ZNF629: variants seen among roughly 807,000 people sequenced by gnomAD.
ZNF629 encodes zinc finger protein 629.
A neutral mutation model predicts 59.7 loss-of-function variants in ZNF629; 9 were observed. The observed-to-expected ratio is 0.15, with a 90% CI of 0.09 to 0.26. The LOEUF (loss-of-function observed/expected upper bound fraction) is 0.26, where lower values mean the gene tolerates loss of function less well. ZNF629 is among the 10% of genes least tolerant of loss of function. The pLI is 1.00. For synonymous variants in ZNF629, 509 were observed against 498.9 expected (o/e 1.02, Z -0.27); for missense variants, 853 against 1,165.4 (o/e 0.73, Z 3.90).
Position 30,781,524 on chromosome 16 carries a change from A to T in ZNF629, c.*194T>A, listed in dbSNP as rs2054280673. ...CAACAGTTTTTCTCTACTGCCTTAT[A>T]AGTGCTTCCCACCAACAATTTTATA... On this transcript the variant is annotated 3_prime_UTR_variant, in exon 3 of 3. Transcript: ENST00000262525. 2.1e-6 allele frequency: 1 copy of T among 468,792 alleles called. No individual in the cohort carries two copies. Among genetic ancestry groups the T allele is most frequent in the Non-Finnish European group, 3.6e-6 (1 of 277,112 alleles). 29.0% of individuals were successfully genotyped at this position (468,792 alleles called of 1,614,324 possible).
chr16:30,781,381 CAT>C lies in ZNF629; in HGVS notation c.*335_*336del, dbSNP rs2151341524. ...ACAATTTTATAGGGTTGTTCAGAGA[CAT>C]ATTGGGACCTCTTCCTACAATTAAT... On this transcript the variant is annotated 3_prime_UTR_variant, in exon 3 of 3. Transcript: ENST00000262525. The C allele has an allele frequency of 5.2e-6, 1 of 190,892 alleles. No individual in the cohort carries two copies. Among genetic ancestry groups the C allele is most frequent in the South Asian group, 1.8e-4 (1 of 5,630 alleles). The allele number at this position is 190,892 out of a possible 1,614,324, so 11.8% of individuals were successfully genotyped here. A position where few individuals can be genotyped will look rare whatever the true frequency, so the allele number is the denominator to read the frequency against.
At chr16:30,785,062 T>C (rs1296264353) in intron 1 of ZNF629, among the ~76,000 whole-genome samples, 3 of 151,980 alleles carry the variant, frequency 2.0e-5, no homozygotes, top group African/African-American at 7.3e-5. Context: ...ACTGGGGCAC[T>C]TCCCTGTTAT....
rs561857880 is a variant in ZNF629 at position 30,779,881 on chromosome 16, T to A, written c.*1837A>T. 2.0e-5 allele frequency: 3 copies of A among 152,372 alleles called. No homozygotes were observed. The highest frequency in any genetic ancestry group is 6.5e-5 in the Admixed American group (1 of 15,298). 9.4% of individuals were successfully genotyped at this position (152,372 alleles called of 1,614,324 possible). On this transcript the variant is annotated 3_prime_UTR_variant, in exon 3 of 3. Coordinates refer to ENST00000262525, the MANE Select transcript of ZNF629 (RefSeq NM_001080417.3). ...CTGGGGTTGGCAAGCACTTCCTTTC[T>A]GACCCAGCGCTGAGCAGAGTCCTCT...
chr16:30,786,509 G>A lies in ZNF629; in HGVS notation c.-34+519C>T, dbSNP rs1393855496. ...CAGGCACGCCAGCCTGAGACCTCGC[G>A]ATGGCCCCACTGCAGAGGGAGGGAA... On this transcript the variant is annotated intron_variant, in intron 1 of 2. Transcript: ENST00000262525. This position sits in a 1 kb window ranked among gnomAD's most constrained non-coding sequence, Gnocchi z 4.8. Among the ~76,000 whole-genome samples, 3 of 152,206 alleles carry A rather than the reference G, an allele frequency of 2.0e-5. No homozygotes were observed. The highest frequency in any genetic ancestry group is 4.1e-4 in the South Asian group (2 of 4,832).
chr16:30,783,359 G>A lies in ZNF629; in HGVS notation c.969C>T (p.Cys323=), dbSNP rs763735594. The change falls in exon 3 of 3, where the codon TGC becomes TGT. Residue 323 remains cysteine (C), a synonymous_variant. Transcript: ENST00000262525. ...AGEKPYRCTE[C]GKSFIQSSEL... is the part of the protein sequence containing the mutation. ...CCGAGCTCTGGATGAAGCTCTTCCC[G>A]CACTCGGTGCAGCGGTATGGCTTCT... 1.1e-4 allele frequency: 173 copies of A among 1,613,780 alleles called. No individual in the cohort carries two copies. Among genetic ancestry groups the A allele is most frequent in the Admixed American group, 1.7e-5 (1 of 59,988 alleles).
At position 30,783,731 on chromosome 16, in the gene ZNF629, C is replaced by G; in HGVS notation, c.597G>C (p.Thr199=). Residue 199 remains threonine, a synonymous_variant, in exon 3 of 3, where the codon ACG becomes ACC. Coordinates refer to ENST00000262525, the MANE Select transcript of ZNF629 (RefSeq NM_001080417.3). ...QSSHLVQHQR[T]HTGEKPYKCP... is the part of the protein sequence containing the mutation. The stretch of plus-strand genomic sequence containing the variant: ...ACTTGTAGGGCTTCTCGCCGGTGTG[C>G]GTGCGCTGGTGCTGCACCAGGTGCG... 1 of 1,613,434 alleles carries G rather than the reference C, an allele frequency of 6.2e-7. No homozygotes were observed. Among genetic ancestry groups the G allele is most frequent in the Non-Finnish European group, 8.5e-7 (1 of 1,179,752 alleles).
chr16:30,784,284 C>T, intron 2 of ZNF629, 30 bp from the exon 3 acceptor site: 1 of 1,575,398 alleles, frequency 6.3e-7, no homozygotes, highest in East Asian at 2.3e-5. Context: ...CTACAGCCCC[C>T]AGCCCCTTTC....
intron 2 of ZNF629, 68 bp downstream of exon 2, chr16:30,784,342 G>A (rs2054312471): frequency 6.5e-7 from 1 of 1,545,636 alleles, no homozygotes; most frequent in Non-Finnish European, 8.7e-7. Flanking sequence ...GTCCCCCAGA[G>A]TCCAGGCCCC....
rs778287262 is a variant in ZNF629, at chr16:30,782,063, G to C, written c.2265C>G (p.Leu755=). 6.4e-7 allele frequency: 1 copy of C among 1,573,884 alleles called. No homozygotes were observed. Among genetic ancestry groups the C allele is most frequent in the Admixed American group, 1.9e-5 (1 of 53,828 alleles). ...CCAGGGGGCTCCTGAGATGCTCCAG[G>C]AGGACGGAAGAGCTCTTCCCCAGCT... ...SPELGKSSSV[L]LEHLRSPLGA... The change falls in exon 3 of 3, where the codon CTC becomes CTG. Residue 755 remains leucine (L), a synonymous_variant. Transcript: ENST00000262525.
In ZNF629 at chr16:30,783,087, C is replaced by T; in HGVS notation, c.1241G>A (p.Ser414Asn). Residue 414 changes from serine to asparagine, a missense_variant, in exon 3 of 3, where the codon AGC becomes AAC. Around this residue, in one of 3 missense-constraint regions of ZNF629, gnomAD observed 201 missense variants for 536.5 expected, o/e 0.37. Coordinates refer to ENST00000262525, the MANE Select transcript of ZNF629 (RefSeq NM_001080417.3). ...GCGCTGGTGGTTGATGAGGTTGGAG[C>T]TGACGCTGAAGCTCTTGCCGCACTC... ...CPECGKSFSV[S>N]SNLINHQRIH... 6.2e-7 allele frequency: 1 copy of T among 1,614,106 alleles called. No homozygotes were observed. The highest frequency in any genetic ancestry group is 8.5e-7 in the Non-Finnish European group (1 of 1,180,018).
chr16:30,786,063 A>G lies in ZNF629; in HGVS notation c.-34+965T>C, dbSNP rs2054329318. On this transcript the variant is annotated intron_variant, in intron 1 of 2. Transcript: ENST00000262525. The surrounding 1 kb of genome is among the most constrained non-coding windows in gnomAD (Gnocchi z 4.8). ...TGTGTGAGGTGGGCGCTGTGTGCAC[A>G]GGGGCAGTGGGGCAAGGGAGACATG... Among the ~76,000 whole-genome samples, 2 of 152,000 alleles carry G rather than the reference A, an allele frequency of 1.3e-5. No homozygotes were observed.
At position 30,782,410 on chromosome 16, in the gene ZNF629, G is replaced by A. The variant is rs1173379205; in HGVS notation, c.1918C>T (p.Pro640Ser). The A allele has an allele frequency of 1.9e-6, 3 of 1,567,906 alleles. No homozygotes were observed. Among genetic ancestry groups the A allele is most frequent in the African/African-American group, 2.7e-5 (2 of 73,738 alleles). ...AEGRAEAPGQ[P>S]LKPPEGQEGF... ...TCCTGACCCTCCGGCGGCTTAAGGG[G>A]CTGTCCGGGGGCCTCCGCTCTGCCC... The change falls in exon 3 of 3, where the codon CCC becomes TCC. Residue 640 changes from proline (P) to serine (S), a missense_variant. Physicochemically the swap from Pro to Ser is moderately conservative, Grantham distance 74 (BLOSUM62 -1). Around this residue, in one of 3 missense-constraint regions of ZNF629, gnomAD observed 420 missense variants for 435.6 expected, o/e 0.96. Coordinates refer to ENST00000262525, the MANE Select transcript of ZNF629 (RefSeq NM_001080417.3).
Position 30,780,357 on chromosome 16 carries a change from A to C in ZNF629, c.*1361T>G, listed in dbSNP as rs2054269618. On this transcript the variant is annotated 3_prime_UTR_variant, in exon 3 of 3. Coordinates refer to ENST00000262525, the MANE Select transcript of ZNF629 (RefSeq NM_001080417.3). ...CCTTATCCTGCGGGGCAGCCTTGCT[A>C]CCAACAAAGATGAATAGCTGAAGTT... is the stretch of plus-strand genomic sequence containing the variant. 6.6e-6 allele frequency: 1 copy of C among 152,560 alleles called. No homozygotes were observed. The highest frequency in any genetic ancestry group is 1.5e-5 in the Non-Finnish European group (1 of 68,036). 9.5% of individuals were successfully genotyped at this position (152,560 alleles called of 1,614,324 possible).
At position 30,782,417 on chromosome 16, in the gene ZNF629, G is replaced by T. The variant is rs768471429; in HGVS notation, c.1911C>A (p.Pro637=). 1.3e-6 allele frequency: 2 copies of T among 1,566,512 alleles called. No homozygotes were observed. Among genetic ancestry groups the T allele is most frequent in the Non-Finnish European group, 1.7e-6 (2 of 1,155,330 alleles). ...PGAAEGRAEA[P]GQPLKPPEGQ... is the part of the protein sequence containing the mutation. ...CCTCCGGCGGCTTAAGGGGCTGTCCGGGGGCCTCCGCTCTGCCCTCCGCAG... is the reference window on the plus strand; with the variant it reads ...CCTCCGGCGGCTTAAGGGGCTGTCCTGGGGCCTCCGCTCTGCCCTCCGCAG... Residue 637 remains proline (P), a synonymous_variant, in exon 3 of 3, where the codon CCC becomes CCA. Transcript: ENST00000262525.
chr16:30,782,925 A>C lies in ZNF629; in HGVS notation c.1403T>G (p.Ile468Ser). The C allele has an allele frequency of 6.2e-7, 1 of 1,604,116 alleles. No homozygotes were observed. Among genetic ancestry groups the C allele is most frequent in the Non-Finnish European group, 8.5e-7 (1 of 1,177,070 alleles). ...YKCSDCGKSF[I>S]RSSHLIQHRR... ...GTGCTGGATAAGGTGGGAGCTGCGG[A>C]TGAAGCTCTTGCCGCAGTCGGAACA... Residue 468 changes from isoleucine to serine, a missense_variant, in exon 3 of 3, where the codon ATC (isoleucine) becomes AGC (serine). Ile to Ser is a moderately radical substitution (Grantham distance 142). This residue lies in a region of ZNF629 where 201 missense variants were observed against 536.5 expected (regional missense o/e 0.37). Transcript: ENST00000262525.
rs1427933396 is a variant in ZNF629 at position 30,786,491 on chromosome 16, G to A, written c.-34+537C>T. Among the ~76,000 whole-genome samples the A allele has an allele frequency of 3.9e-5, 6 of 152,026 alleles. No homozygotes were observed. In the East Asian group the frequency reaches 9.7e-4, roughly 25 times the overall value. ...CGCTGGGAGCCCAGGCGCCAGGCACGCCAGCCTGAGACCTCGCGATGGCCC... is the reference window on the plus strand; with the variant it reads ...CGCTGGGAGCCCAGGCGCCAGGCACACCAGCCTGAGACCTCGCGATGGCCC... On this transcript the variant is annotated intron_variant, in intron 1 of 2. Coordinates refer to ENST00000262525, the MANE Select transcript of ZNF629 (RefSeq NM_001080417.3). The surrounding 1 kb of genome is among the most constrained non-coding windows in gnomAD (Gnocchi z 4.8).
In ZNF629 at chr16:30,782,031, C is replaced by G. The variant is rs1209765578; in HGVS notation, c.2297G>C (p.Arg766Thr). ...CCTGCAATCTGAGCAGCGGTAGGGT[C>G]TGGCCCCCAGGGGGCTCCTGAGATG... is the stretch of plus-strand genomic sequence containing the variant. ...LEHLRSPLGARPYRCSDCRAS... is the reference protein window; with the variant it reads ...LEHLRSPLGATPYRCSDCRAS... The change falls in exon 3 of 3, where the codon AGA (arginine) becomes ACA (threonine). Residue 766 changes from arginine to threonine, a missense_variant. Transcript: ENST00000262525. 6.3e-7 allele frequency: 1 copy of G among 1,575,362 alleles called. No individual in the cohort carries two copies. The highest frequency in any genetic ancestry group is 2.2e-5 in the East Asian group (1 of 44,452).
In ZNF629 at chr16:30,784,064, G is replaced by A; in HGVS notation, c.264C>T (p.His88=). ...TPLGHSNPLD[H]QIPLDPPAPE... ...GGGCTGGGGGGTCCAGGGGGATCTG[G>A]TGGTCCAAGGGATTGGAGTGACCCA... The change falls in exon 3 of 3, where the codon CAC becomes CAT. Residue 88 remains histidine (H), a synonymous_variant. Coordinates refer to ENST00000262525, the MANE Select transcript of ZNF629 (RefSeq NM_001080417.3). 6.3e-7 allele frequency: 1 copy of A among 1,593,700 alleles called. No homozygotes were observed. Among genetic ancestry groups the A allele is most frequent in the Non-Finnish European group, 8.5e-7 (1 of 1,172,088 alleles).
chr16:30,781,615 C>G lies in ZNF629; in HGVS notation c.*103G>C, dbSNP rs2054281204. 3.4e-6 allele frequency: 4 copies of G among 1,192,932 alleles called. No homozygotes were observed. Among genetic ancestry groups the G allele is most frequent in the Non-Finnish European group, 4.5e-6 (4 of 893,922 alleles). 73.9% of individuals were successfully genotyped at this position (1,192,932 alleles called of 1,614,324 possible). ...GGGTTCTTTCTCCTCCACTCCACTACCATCTGATAGGGTTATCCTCCCTTC... is the reference window on the plus strand; with the variant it reads ...GGGTTCTTTCTCCTCCACTCCACTAGCATCTGATAGGGTTATCCTCCCTTC... On this transcript the variant is annotated 3_prime_UTR_variant, in exon 3 of 3. Transcript: ENST00000262525.
Sources: allele counts gnomAD v4.1 joint callset (sites outside exome capture counted in the v4.1 genomes callset), GRCh38; gene constraint gnomAD v4.1.1; regional missense constraint gnomAD v4.1.1; non-coding constraint Gnocchi (gnomAD v3.1); transcripts MANE v1.5; gene names NCBI Gene and HGNC (gene_info 2026-07-23, HGNC 2026-07-21).